The following PIEZO2 variants were observed in gnomAD, a reference collection of about 807,000 sequenced individuals.
PIEZO2 encodes piezo type mechanosensitive ion channel component 2, also known as piezo-type mechanosensitive ion channel component 2.
Under a neutral mutation model 337.3 loss-of-function variants are expected in PIEZO2, and 172 were observed. The observed-to-expected ratio is 0.51, with a 90% CI of 0.45 to 0.58. The LOEUF (loss-of-function observed/expected upper bound fraction) is 0.58, where lower values mean the gene tolerates loss of function less well. Among genes scored for constraint, PIEZO2 ranks in the 20% least tolerant of loss-of-function variants. PIEZO2 has a pLI of 0.00. For missense variants in PIEZO2, 3,028 were observed against 3,391.3 expected, an observed-to-expected ratio of 0.89 and a Z score of 2.66; for synonymous variants, 1,251 against 1,228.5, an observed-to-expected ratio of 1.02 and a Z score of -0.38.
At chr18:10,970,660 T>TCACACACACA (rs71169962) in intron 3 of PIEZO2, among the ~76,000 whole-genome samples, 2 of 137,434 alleles carry the variant, frequency 1.5e-5, no homozygotes, top group Non-Finnish European at 3.2e-5. Context: ...AAAAGATGTT[T>TCACACACACA]CACACACACA....
chr18:10,760,659 C>CCAT (rs1184225291), intron 24 of PIEZO2, among the ~76,000 whole-genome samples: 1 of 152,206 alleles, frequency 6.6e-6, no homozygotes, highest in Non-Finnish European at 1.5e-5. Context: ...CAACTGATGG[C>CCAT]CATGCATTTA....
chr18:10,787,200 TG>T lies in PIEZO2; in HGVS notation c.2170-17del. On this transcript the variant is annotated splice_polypyrimidine_tract_variant and intron_variant, in intron 15 of 55. Coordinates refer to ENST00000674853, the MANE Select transcript of PIEZO2 (RefSeq NM_001378183.1). ...CATAGTGCACCTGCAAATCAGACAT[TG>T]AAAAAAAAAAATGAGAAAAAATCAC... 1 of 1,456,418 alleles carries T rather than the reference TG, an allele frequency of 6.9e-7. No individual in the cohort carries two copies. Among genetic ancestry groups the T allele is most frequent in the Non-Finnish European group, 9.0e-7 (1 of 1,111,882 alleles). The allele number at this position is 1,456,418 out of a possible 1,614,324, so 90.2% of individuals were successfully genotyped here.
At chr18:10,755,771 A>T (rs1245089838) in intron 27 of PIEZO2, among the ~76,000 whole-genome samples, 1 of 152,126 alleles carries the variant, frequency 6.6e-6, no homozygotes, top group Admixed American at 6.6e-5. Flanking sequence ...GGTGGAATCT[A>T]GGGAGCCACC....
Position 10,988,372 on chromosome 18 carries a change from A to C in PIEZO2, c.161-8712T>G, listed in dbSNP as rs1389680063. On this transcript the variant is annotated intron_variant, in intron 2 of 55. Coordinates refer to ENST00000674853, the MANE Select transcript of PIEZO2 (RefSeq NM_001378183.1). This position sits in a 1 kb window ranked among gnomAD's most constrained non-coding sequence, Gnocchi z 4.8. The stretch of plus-strand genomic sequence containing the variant: ...TCCAGTCTGTGACATTTCGTTTAGC[A>C]GCACAAATGTATTAAGAAAGCCTCA... Among the ~76,000 whole-genome samples, 2 of 152,188 alleles carry C rather than the reference A, an allele frequency of 1.3e-5. No homozygotes were observed. The highest frequency in any genetic ancestry group is 3.8e-4 in the East Asian group (2 of 5,206).
chr18:11,122,530 T>C (rs1053201071), intron 1 of PIEZO2, among the ~76,000 whole-genome samples: 4 of 152,238 alleles, frequency 2.6e-5, no homozygotes, highest in Non-Finnish European at 5.9e-5. Context: ...ATGGTCATTC[T>C]CTTTTCATCT....
chr18:10,715,819 A>C lies in PIEZO2; in HGVS notation c.5090-3T>G. 6.6e-7 allele frequency: 1 copy of C among 1,517,602 alleles called. No homozygotes were observed. Among genetic ancestry groups the C allele is most frequent in the Non-Finnish European group, 8.8e-7 (1 of 1,134,398 alleles). 94.0% of individuals were successfully genotyped at this position (1,517,602 alleles called of 1,614,324 possible). On this transcript the variant is annotated splice_region_variant and splice_polypyrimidine_tract_variant and intron_variant, in intron 37 of 55. Transcript: ENST00000674853. ...AAATATCCTCTTGATGATATTATCTAGGAGGAAGAAAGGCAACAAGATGTT... is the reference window on the plus strand; with the variant it reads ...AAATATCCTCTTGATGATATTATCTCGGAGGAAGAAAGGCAACAAGATGTT...
In PIEZO2 at chr18:10,888,345, T is replaced by C. The variant is rs949680996; in HGVS notation, c.330-16930A>G. Among the ~76,000 whole-genome samples, 1 of 152,208 alleles carries C rather than the reference T, an allele frequency of 6.6e-6. No individual in the cohort carries two copies. Among genetic ancestry groups the C allele is most frequent in the Non-Finnish European group, 1.5e-5 (1 of 68,036 alleles). ...CCTGGGAAATGTCCTTGTCATTCAC[T>C]GTGCATTCTTCTACTTTCTGACACA... is the stretch of plus-strand genomic sequence containing the variant. On this transcript the variant is annotated intron_variant, in intron 4 of 55. Transcript: ENST00000674853. This position sits in a 1 kb window ranked among gnomAD's most constrained non-coding sequence, Gnocchi z 4.1.
chr18:10,910,174 C>A (rs1021088811), intron 4 of PIEZO2, among the ~76,000 whole-genome samples: 1 of 152,274 alleles, frequency 6.6e-6, no homozygotes, highest in Admixed American at 6.5e-5. Context: ...ATTAAAATGA[C>A]TTTTTTTCTT....
In PIEZO2 at chr18:11,038,201, C is replaced by CTA. The variant is rs551875450; in HGVS notation, c.160+27924_160+27925dup. ...CTCTAGGTCCTAGTCACCAGAACCA[C>CTA]TATACAGTAACACAGCCATAAAAAT... On this transcript the variant is annotated intron_variant, in intron 2 of 55. Transcript: ENST00000674853. The surrounding 1 kb of genome is among the most constrained non-coding windows in gnomAD (Gnocchi z 4.1). Among the ~76,000 whole-genome samples the CTA allele has an allele frequency of 6.8e-3, 1,038 of 152,264 alleles. 3 individuals are homozygous for CTA. Among genetic ancestry groups the CTA allele is most frequent in the Non-Finnish European group, 0.012 (831 of 68,020 alleles).
rs56275136 is a variant in PIEZO2, at chr18:11,001,905, AGAAGGAAGGAAGGAAGGAAGGAAGGAAG to A, written c.161-22273_161-22246del. Among the ~76,000 whole-genome samples the A allele has an allele frequency of 4.3e-5, 6 of 139,202 alleles. No individual in the cohort carries two copies. The highest frequency in any genetic ancestry group is 7.6e-5 in the Non-Finnish European group (5 of 65,876). The allele number at this position is 139,202 out of a possible 152,430, so 91.3% of individuals were successfully genotyped here. On this transcript the variant is annotated intron_variant, in intron 2 of 55. Transcript: ENST00000674853. This position sits in a 1 kb window ranked among gnomAD's most constrained non-coding sequence, Gnocchi z 5.3. ...AAAAGGAGAAAAAGGGAAGGAAGGAAGAAGGAAGGAAGGAAGGAAGGAAGGAAGGAAGGAAGGAAGGAAGAAAAAAAGA... is the reference window on the plus strand; with the variant it reads ...AAAAGGAGAAAAAGGGAAGGAAGGAAGAAGGAAGGAAGGAAGAAAAAAAGA...
At chr18:11,037,089 T>C (rs945473005) in intron 2 of PIEZO2, among the ~76,000 whole-genome samples, 3 of 152,192 alleles carry the variant, frequency 2.0e-5, no homozygotes, top group African/African-American at 7.2e-5. Flanking sequence ...CTCAGCCTCC[T>C]GAGTAGCTGG....
rs113591783 is a variant in PIEZO2 at position 11,028,264 on chromosome 18, ATT to A, written c.160+37861_160+37862del. On this transcript the variant is annotated intron_variant, in intron 2 of 55. Transcript: ENST00000674853. The surrounding 1 kb of genome is among the most constrained non-coding windows in gnomAD (Gnocchi z 4.8). ...TTCTTCTTCTTCTTTATTTTTTATT[ATT>A]TTTTTTTATTTTTTGAGACAGAGTC... 4.0e-5 allele frequency among the ~76,000 whole-genome samples: 6 copies of A among 149,270 alleles called. No homozygotes were observed. Among genetic ancestry groups the A allele is most frequent in the African/African-American group, 1.5e-4 (6 of 40,580 alleles).
intron 2 of PIEZO2, among the ~76,000 whole-genome samples, chr18:11,039,468 G>A (rs536658688): frequency 1.3e-5 from 2 of 152,196 alleles, no homozygotes; most frequent in South Asian, 4.2e-4. Context: ...CTGGTTTTAC[G>A]TCACAGAACA....
intron 1 of PIEZO2, among the ~76,000 whole-genome samples, chr18:11,071,735 C>G (rs550254355): frequency 6.6e-6 from 1 of 152,180 alleles, no homozygotes; most frequent in Non-Finnish European, 1.5e-5. Flanking sequence ...AAAGTGGAAG[C>G]AAGCCTGACC....
intron 36 of PIEZO2, among the ~76,000 whole-genome samples, chr18:10,722,507 G>A (rs1025701933): frequency 6.6e-6 from 1 of 152,072 alleles, no homozygotes; most frequent in African/African-American, 2.4e-5. Flanking sequence ...TGGGATTACA[G>A]GGTGAGCCAC....
intron 7 of PIEZO2, among the ~76,000 whole-genome samples, chr18:10,808,298 C>T (rs890659708): frequency 2.0e-5 from 3 of 152,086 alleles, no homozygotes; most frequent in African/African-American, 7.2e-5. Context: ...CATTATGTTG[C>T]CCAGGCTGGT....
chr18:11,093,035 G>A (rs944875382), intron 1 of PIEZO2, among the ~76,000 whole-genome samples: 1 of 152,174 alleles, frequency 6.6e-6, no homozygotes, highest in Non-Finnish European at 1.5e-5. Context: ...GTTTCCAGAA[G>A]ATTTTCAAAC....
At chr18:11,055,923 G>A (rs552832012) in intron 2 of PIEZO2, among the ~76,000 whole-genome samples, 19 of 152,204 alleles carry the variant, frequency 1.2e-4, no homozygotes, top group Admixed American at 2.6e-4. Flanking sequence ...CTCTGCCCTC[G>A]AGCTCCATCA....
intron 7 of PIEZO2, among the ~76,000 whole-genome samples, chr18:10,835,547 C>T (rs371404502): frequency 1.4e-5 from 2 of 146,338 alleles, no homozygotes; most frequent in Admixed American, 6.8e-5. Flanking sequence ...TAACCAAGTT[C>T]TTTTTTTTTT....
Sources: allele counts gnomAD v4.1 joint callset (sites outside exome capture counted in the v4.1 genomes callset), GRCh38; gene constraint gnomAD v4.1.1; non-coding constraint Gnocchi (gnomAD v3.1); transcripts MANE v1.5; gene names NCBI Gene and HGNC (gene_info 2026-07-23, HGNC 2026-07-21).